Variants in ATRNL1 observed in about 807,000 individuals in gnomAD.
ATRNL1 encodes attractin-like protein 1.
A neutral mutation model predicts 182.7 loss-of-function variants in ATRNL1; 95 were observed. The observed-to-expected ratio is 0.52, with a 90% CI of 0.44 to 0.62. ATRNL1 has a LOEUF of 0.62. Ranked by LOEUF, ATRNL1 falls within the 20% of genes least tolerant of loss-of-function variation. The probability of loss-of-function intolerance (pLI) is 0.00; values close to 1 mark genes in which losing one functional copy is unlikely to be tolerated. For synonymous variants in ATRNL1, 576 were observed against 568.3 expected (o/e 1.01, Z -0.19); for missense variants, 1,471 against 1,679.5 (o/e 0.88, Z 2.17).
intron 24 of ATRNL1, among the ~76,000 whole-genome samples, chr10:115,473,430 T>A (rs1848394487): frequency 6.6e-6 from 1 of 151,296 alleles, no homozygotes; most frequent in African/African-American, 2.4e-5. Context: ...ACAGCATTAT[T>A]AACTATAGTC....
At chr10:115,198,959 T>A (rs1003403199) in intron 8 of ATRNL1, among the ~76,000 whole-genome samples, 1 of 152,154 alleles carries the variant, frequency 6.6e-6, no homozygotes, top group Admixed American at 6.6e-5. Flanking sequence ...TTTGTTCTTT[T>A]TGCTTAAGGT....
chr10:115,505,853 A>T (rs1174846010), intron 24 of ATRNL1, among the ~76,000 whole-genome samples: 1 of 151,976 alleles, frequency 6.6e-6, no homozygotes, highest in African/African-American at 2.4e-5. Flanking sequence ...AAATCTCATT[A>T]TCATATTTCA....
intron 26 of ATRNL1, among the ~76,000 whole-genome samples, chr10:115,620,012 T>G (rs1247031088): frequency 6.6e-6 from 1 of 152,220 alleles, no homozygotes; most frequent in Non-Finnish European, 1.5e-5. Flanking sequence ...GTTTTGTTAA[T>G]CCATTTCACG....
At chr10:115,536,973 TA>T (rs35419743) in intron 25 of ATRNL1, among the ~76,000 whole-genome samples, 90,315 of 151,952 alleles carry the variant, frequency 0.59, 28,593 homozygotes, top group Non-Finnish European at 0.73. Flanking sequence ...AGTCTCTGTT[TA>T]AAAAAATAAG....
chr10:115,787,956 C>G (rs1547947), intron 27 of ATRNL1, among the ~76,000 whole-genome samples: 26,521 of 152,174 alleles, frequency 0.17, 2,429 homozygotes, highest in Non-Finnish European at 0.2. Context: ...TAAACACAAA[C>G]TGATTTCTAA....
At chr10:115,690,975 C>T (rs1593072881) in intron 26 of ATRNL1, among the ~76,000 whole-genome samples, 1 of 152,290 alleles carries the variant, frequency 6.6e-6, no homozygotes, top group Non-Finnish European at 1.5e-5. Flanking sequence ...GGCTCCCAAG[C>T]CAACCTTCTC....
intron 28 of ATRNL1, among the ~76,000 whole-genome samples, chr10:115,862,773 A>C (rs1433817969): frequency 6.6e-6 from 1 of 152,214 alleles, no homozygotes; most frequent in Non-Finnish European, 1.5e-5. Flanking sequence ...ACTTTTTTGT[A>C]ATCACAAAAT....
chr10:115,217,591 T>A (rs1849283177), intron 9 of ATRNL1, among the ~76,000 whole-genome samples: 1 of 152,196 alleles, frequency 6.6e-6, no homozygotes, highest in Non-Finnish European at 1.5e-5. Context: ...TGCTCACTAC[T>A]TGAATAAAAT....
At chr10:115,243,962 G>A (rs1338687804) in intron 10 of ATRNL1, among the ~76,000 whole-genome samples, 2 of 151,998 alleles carry the variant, frequency 1.3e-5, no homozygotes, top group East Asian at 1.9e-4. Context: ...AGTATGAAAT[G>A]TTGGACTATT....
intron 27 of ATRNL1, among the ~76,000 whole-genome samples, chr10:115,781,555 A>G (rs1949266348): frequency 6.6e-6 from 1 of 152,214 alleles, no homozygotes; most frequent in African/African-American, 2.4e-5. Flanking sequence ...GTTGAACAAA[A>G]GAAGCCAGAC....
At chr10:115,768,962 A>C (rs1384797979) in intron 27 of ATRNL1, among the ~76,000 whole-genome samples, 12 of 152,090 alleles carry the variant, frequency 7.9e-5, no homozygotes, top group African/African-American at 2.9e-4. Flanking sequence ...TAGTGAAAAA[A>C]TTTAAATTGT....
chr10:115,583,329 A>C (rs1221176929), intron 26 of ATRNL1, among the ~76,000 whole-genome samples: 3 of 109,402 alleles, frequency 2.7e-5, no homozygotes, highest in South Asian at 4.1e-4. Flanking sequence ...CTATCTGTAA[A>C]TTACCTTGGG....
At chr10:115,871,389 A>G (rs1175197967) in intron 28 of ATRNL1, among the ~76,000 whole-genome samples, 1 of 150,084 alleles carries the variant, frequency 6.7e-6, no homozygotes, top group Non-Finnish European at 1.5e-5. Context: ...CATCTGGATA[A>G]ATCTCACTGA....
chr10:115,561,721 G>GTT (rs1335655270), intron 26 of ATRNL1, among the ~76,000 whole-genome samples: 1 of 151,300 alleles, frequency 6.6e-6, no homozygotes, highest in African/African-American at 2.4e-5. Flanking sequence ...GTGTGTGTGT[G>GTT]TGTTTGTGTG....
At chr10:115,548,754 C>A (rs1239647577) in intron 25 of ATRNL1, among the ~76,000 whole-genome samples, 1 of 152,108 alleles carries the variant, frequency 6.6e-6, no homozygotes, top group Non-Finnish European at 1.5e-5. Flanking sequence ...TTAAAGTAAA[C>A]ATTAGCATAT....
chr10:115,588,216 C>T (rs1418956309), intron 26 of ATRNL1, among the ~76,000 whole-genome samples: 1 of 152,126 alleles, frequency 6.6e-6, no homozygotes, highest in Admixed American at 6.5e-5. Context: ...CTTCTCATCC[C>T]TCTCTCACCC....
At chr10:115,521,591 G>A (rs1211238700) in intron 25 of ATRNL1, among the ~76,000 whole-genome samples, 4 of 152,152 alleles carry the variant, frequency 2.6e-5, no homozygotes, top group Non-Finnish European at 5.9e-5. Context: ...TTGAATTTGT[G>A]TGCATATTTA....
chr10:115,495,131 A>G (rs1325174394), intron 24 of ATRNL1, among the ~76,000 whole-genome samples: 2 of 152,006 alleles, frequency 1.3e-5, no homozygotes, highest in Admixed American at 6.6e-5. Flanking sequence ...AGGTGTTCAT[A>G]GTAGTCTCTG....
chr10:115,785,978 A>G (rs571565550), intron 27 of ATRNL1, among the ~76,000 whole-genome samples: 2 of 152,324 alleles, frequency 1.3e-5, no homozygotes, highest in South Asian at 4.1e-4. Flanking sequence ...CTTCATTTTC[A>G]TATGAGACCT....
Sources: gnomAD v4.1 joint callset for allele counts (sites outside exome capture counted in the v4.1 genomes callset) on GRCh38, gnomAD v4.1.1 for gene constraint, MANE v1.5 for transcripts, NCBI Gene and HGNC (gene_info 2026-07-23, HGNC 2026-07-21) for gene names.